The following PRKCA variants were observed in gnomAD, a reference collection of about 807,000 sequenced individuals.
PRKCA encodes the protein protein kinase C alpha type.
A neutral mutation model predicts 87.0 loss-of-function variants in PRKCA; 27 were observed. The ratio of observed to expected loss-of-function variants is 0.31; its 90% CI spans 0.23 to 0.43. The LOEUF (loss-of-function observed/expected upper bound fraction) is 0.43. Among genes scored for constraint, PRKCA ranks in the 20% least tolerant of loss-of-function variants. The pLI is 1.00. For synonymous variants in PRKCA, 329 were observed against 311.1 expected (o/e 1.06, Z -0.61); for missense variants, 518 against 852.3 (o/e 0.61, Z 4.88).
At chr17:66,716,718 G>T (rs1313539457) in intron 8 of PRKCA, among the ~76,000 whole-genome samples, 1 of 152,170 alleles carries the variant, frequency 6.6e-6, no homozygotes, top group East Asian at 1.9e-4. Context: ...GATACTAGAG[G>T]TGAATATTAT....
intron 1 of PRKCA, 53 bp downstream of exon 1, chr17:66,303,077 G>A (rs933713125): frequency 6.3e-7 from 1 of 1,575,878 alleles, no homozygotes; most frequent in Non-Finnish European, 8.6e-7. Context: ...TCCGGGTCCC[G>A]GCACCCGGCG....
At chr17:66,385,141 A>G (rs1909987307) in intron 2 of PRKCA, among the ~76,000 whole-genome samples, 1 of 152,232 alleles carries the variant, frequency 6.6e-6, no homozygotes, top group South Asian at 2.1e-4. Flanking sequence ...GGCATGGACC[A>G]GGACGGTCCC....
At chr17:66,417,590 C>G (rs1225479704) in intron 2 of PRKCA, among the ~76,000 whole-genome samples, 1 of 152,132 alleles carries the variant, frequency 6.6e-6, no homozygotes, top group African/African-American at 2.4e-5. Flanking sequence ...CTGCAGAGAG[C>G]TCCTGCTGTC....
rs116508599 is a variant in PRKCA, at chr17:66,549,683, G to A, written c.288+53400G>A. ...CCAAATTATTTAAAGTATTTGGTAG[G>A]AACACAAGCCACTTGCTGATGAGAG... On this transcript the variant is annotated intron_variant, in intron 3 of 16. Transcript: ENST00000413366. Among the ~76,000 whole-genome samples, 975 of 152,156 alleles carry A rather than the reference G, an allele frequency of 6.4e-3. 13 individuals are homozygous for A. The highest frequency in any genetic ancestry group is 0.022 in the African/African-American group (928 of 41,468).
chr17:66,342,173 C>T (rs2143360525), intron 2 of PRKCA, among the ~76,000 whole-genome samples: 1 of 152,242 alleles, frequency 6.6e-6, no homozygotes, highest in Non-Finnish European at 1.5e-5. Flanking sequence ...CCTGTAATCC[C>T]AGCACTTTGG....
chr17:66,469,117 C>G (rs72838297), intron 2 of PRKCA, among the ~76,000 whole-genome samples: 15,714 of 152,246 alleles, frequency 0.1, 1,126 homozygotes, highest in Middle Eastern at 0.17. Flanking sequence ...CCACAGTTTC[C>G]TTCCTCTTTC....
chr17:66,410,277 A>G (rs1418085212), intron 2 of PRKCA, among the ~76,000 whole-genome samples: 1 of 148,874 alleles, frequency 6.7e-6, no homozygotes, highest in Non-Finnish European at 1.5e-5. Context: ...TCCTATTTAT[A>G]TGAGGAATAT....
intron 2 of PRKCA, among the ~76,000 whole-genome samples, chr17:66,311,005 A>C (rs1905062991): frequency 6.6e-6 from 1 of 152,122 alleles, no homozygotes; most frequent in Admixed American, 6.5e-5. Context: ...CGCTGCTTGC[A>C]CTGTGTGGCC....
chr17:66,527,042 C>T (rs1967368526), intron 3 of PRKCA, among the ~76,000 whole-genome samples: 1 of 152,174 alleles, frequency 6.6e-6, no homozygotes, highest in African/African-American at 2.4e-5. Flanking sequence ...TGCAGCTGCT[C>T]AGCCCTGCCA....
chr17:66,538,047 C>T (rs1310774268), intron 3 of PRKCA, among the ~76,000 whole-genome samples: 1 of 152,066 alleles, frequency 6.6e-6, no homozygotes, highest in Non-Finnish European at 1.5e-5. Context: ...GCAATCTGCC[C>T]GCCTCTGCCT....
intron 2 of PRKCA, among the ~76,000 whole-genome samples, chr17:66,374,240 C>T (rs532344218): frequency 2.0e-4 from 31 of 152,290 alleles, no homozygotes; most frequent in African/African-American, 4.3e-4. Context: ...CAGCTCGCCC[C>T]GCCTGACCCA....
rs776859676 is a variant in PRKCA, at chr17:66,803,950, T to C, written c.1932T>C (p.Val644=). Residue 644 remains valine (V), a synonymous_variant, in exon 17 of 17, where the codon GTT becomes GTC. Coordinates refer to ENST00000413366, the MANE Select transcript of PRKCA (RefSeq NM_002737.3). This position sits in a 1 kb window ranked among gnomAD's most constrained non-coding sequence, Gnocchi z 4.4. ...QPVLTPPDQL[V]IANIDQSDFE... is the part of the protein sequence containing the mutation. Reference sequence around the variant, plus strand: ...TCTTAACACCACCTGATCAGCTGGTTATTGCTAACATAGACCAGTCTGATT... The same window carrying C: ...TCTTAACACCACCTGATCAGCTGGTCATTGCTAACATAGACCAGTCTGATT... 10 of 1,613,964 alleles carry C rather than the reference T, an allele frequency of 6.2e-6. No homozygotes were observed. The highest frequency in any genetic ancestry group is 8.5e-6 in the Non-Finnish European group (10 of 1,179,994).
chr17:66,632,386 T>A (rs1370197348), intron 3 of PRKCA, among the ~76,000 whole-genome samples: 1 of 151,978 alleles, frequency 6.6e-6, no homozygotes, highest in Non-Finnish European at 1.5e-5. Flanking sequence ...GTTTGTTTGT[T>A]TTTTGTTTTT....
intron 2 of PRKCA, among the ~76,000 whole-genome samples, chr17:66,328,847 T>G (rs768777104): frequency 1.3e-5 from 2 of 152,168 alleles, no homozygotes; most frequent in Non-Finnish European, 2.9e-5. Flanking sequence ...TGGAGTGTTT[T>G]GAATGAGGAT....
intron 2 of PRKCA, among the ~76,000 whole-genome samples, chr17:66,390,718 A>G (rs1910312664): frequency 6.6e-6 from 1 of 152,180 alleles, no homozygotes; most frequent in South Asian, 2.1e-4. Context: ...CTTCATGGGG[A>G]CTTCATGGGC....
At chr17:66,444,195 T>C (rs1913916980) in intron 2 of PRKCA, among the ~76,000 whole-genome samples, 1 of 152,196 alleles carries the variant, frequency 6.6e-6, no homozygotes, top group African/African-American at 2.4e-5. Context: ...ATGTGTTTGC[T>C]GAGGGCTCCC....
intron 3 of PRKCA, among the ~76,000 whole-genome samples, chr17:66,506,111 C>T (rs1336528818): frequency 6.6e-6 from 1 of 152,128 alleles, no homozygotes; most frequent in Non-Finnish European, 1.5e-5. Context: ...GCCTGGCCAA[C>T]ATGGTGAAAC....
Position 66,774,363 on chromosome 17 carries a change from A to G in PRKCA, c.1605+296A>G, listed in dbSNP as rs1975002602. On this transcript the variant is annotated intron_variant, in intron 14 of 16. Transcript: ENST00000413366. ...TGGCCAGGCGCGGTGGCTCATGGCT[A>G]TAATCCCAGCACTTTCAGAAGCCAA... is the stretch of plus-strand genomic sequence containing the variant. 7 of 1,198,696 alleles carry G rather than the reference A, an allele frequency of 5.8e-6. No individual in the cohort carries two copies. The South Asian group carries it at 9.6e-5, about 16-fold the overall frequency. The allele number at this position is 1,198,696 out of a possible 1,614,324, so 74.3% of individuals were successfully genotyped here.
At chr17:66,561,632 A>G (rs181574848) in intron 3 of PRKCA, among the ~76,000 whole-genome samples, 8 of 152,312 alleles carry the variant, frequency 5.3e-5, no homozygotes, top group African/African-American at 1.9e-4. Flanking sequence ...CAACATTCAC[A>G]ATAGATAAGA....
Sources: gnomAD v4.1 joint callset for allele counts (sites outside exome capture counted in the v4.1 genomes callset) on GRCh38, gnomAD v4.1.1 for gene constraint, Gnocchi (gnomAD v3.1) non-coding constraint, MANE v1.5 for transcripts, NCBI Gene and HGNC (gene_info 2026-07-23, HGNC 2026-07-21) for gene names.